SPNS2: variants seen among roughly 807,000 people sequenced by gnomAD.
SPNS2 encodes the protein SPNS lysolipid transporter 2, sphingosine-1-phosphate, also known as sphingosine-1-phosphate transporter SPNS2.
A neutral mutation model predicts 57.6 loss-of-function variants in SPNS2; 37 were observed. The observed-to-expected ratio is 0.64, with a 90% CI of 0.49 to 0.85. The LOEUF is 0.85. SPNS2 is among the 40% of genes least tolerant of loss of function. The probability of loss-of-function intolerance (pLI) is 0.00; values close to 1 mark genes in which losing one functional copy is unlikely to be tolerated. For missense variants in SPNS2, 831 were observed against 779.1 expected, an observed-to-expected ratio of 1.07 and a Z score of -0.79; for synonymous variants, 440 against 346.9, an observed-to-expected ratio of 1.27 and a Z score of -2.98.
intron 9 of SPNS2, among the ~76,000 whole-genome samples, chr17:4,534,592 G>A (rs146418487): frequency 3.2e-4 from 49 of 152,112 alleles, no homozygotes; most frequent in Non-Finnish European, 5.6e-4. Context: ...GGGACAGCCC[G>A]GGAGATGAGT....
intron 2 of SPNS2, among the ~76,000 whole-genome samples, chr17:4,523,495 C>T (rs184318937): frequency 3.4e-4 from 52 of 151,606 alleles, no homozygotes; most frequent in East Asian, 2.3e-3. Flanking sequence ...CAGCCAGGCA[C>T]GGTGGCTCAC....
rs77649916 is a variant in SPNS2, at chr17:4,538,241, C to T, written c.*793C>T. 1,658 of 198,304 alleles carry T rather than the reference C, an allele frequency of 8.4e-3. 10 individuals carry two copies. Among genetic ancestry groups the T allele is most frequent in the Admixed American group, 0.02 (372 of 18,832 alleles). The allele number at this position is 198,304 out of a possible 1,614,324, so 12.3% of individuals were successfully genotyped here. A position where few individuals can be genotyped will look rare whatever the true frequency, so the allele number is the denominator to read the frequency against. Reference sequence around the variant, plus strand: ...AACTCTGCAGGGCTTCTCTCCCTGCCACCACCCCCCAAGCCAGGACCCCAC... The same window carrying T: ...AACTCTGCAGGGCTTCTCTCCCTGCTACCACCCCCCAAGCCAGGACCCCAC... On this transcript the variant is annotated 3_prime_UTR_variant, in exon 13 of 13. Transcript: ENST00000329078.
intron 2 of SPNS2, among the ~76,000 whole-genome samples, chr17:4,519,247 T>A (rs975240868): frequency 6.6e-6 from 1 of 152,176 alleles, no homozygotes; most frequent in Non-Finnish European, 1.5e-5. Context: ...GGGCGGGGGC[T>A]CAGGGCTCCC....
intron 9 of SPNS2, among the ~76,000 whole-genome samples, chr17:4,535,195 G>A (rs1204953515): frequency 6.6e-6 from 1 of 152,110 alleles, no homozygotes; most frequent in East Asian, 1.9e-4. Flanking sequence ...GTCTGACTCT[G>A]GCCTGCCCAG....
chr17:4,535,410 T>C (rs1426243321), intron 9 of SPNS2, among the ~76,000 whole-genome samples: 5 of 152,120 alleles, frequency 3.3e-5, no homozygotes, highest in Non-Finnish European at 7.4e-5. Flanking sequence ...GGTCTTTAGC[T>C]TGATGGGAGG....
intron 2 of SPNS2, among the ~76,000 whole-genome samples, chr17:4,516,316 C>CAAAAAAAAAAAAAAAAAAAA (rs67710825): frequency 8.9e-5 from 6 of 67,496 alleles, no homozygotes; most frequent in African/African-American, 3.7e-4. Flanking sequence ...TCTATCTCCC[C>CAAAAAAAAAAAAAAAAAAAA]AAAAAAAAAA....
chr17:4,516,282 C>G (rs1416660629), intron 2 of SPNS2, among the ~76,000 whole-genome samples: 2 of 141,352 alleles, frequency 1.4e-5, no homozygotes, highest in East Asian at 4.4e-4. Flanking sequence ...CCATTGCACT[C>G]CAGCCTGGGT....
intron 2 of SPNS2, among the ~76,000 whole-genome samples, chr17:4,522,710 TTGTC>T (rs772545756): frequency 1.1e-4 from 17 of 152,312 alleles, no homozygotes; most frequent in Non-Finnish European, 1.9e-4. Flanking sequence ...CTCCCAGCCT[TTGTC>T]TGGCCATCTG....
intron 6 of SPNS2, 74 bp downstream of exon 6, chr17:4,532,758 A>G: frequency 3.2e-6 from 5 of 1,547,884 alleles, no homozygotes; most frequent in Non-Finnish European, 4.4e-6. Flanking sequence ...CCTGCAGGGC[A>G]GCCCACTAGC....
chr17:4,538,034 C>CCCAAGTCTCTGGGTACTCCCT lies in SPNS2; in HGVS notation c.*587_*607dup, dbSNP rs1905962527. The CCCAAGTCTCTGGGTACTCCCT allele has an allele frequency of 2.8e-6, 1 of 351,520 alleles. No homozygotes were observed. Among genetic ancestry groups the CCCAAGTCTCTGGGTACTCCCT allele is most frequent in the African/African-American group, 2.1e-5 (1 of 46,688 alleles). The allele number at this position is 351,520 out of a possible 1,614,324, so 21.8% of individuals were successfully genotyped here. A position where few individuals can be genotyped will look rare whatever the true frequency, so the allele number is the denominator to read the frequency against. ...GCAACCTGGCAAATGAAGCTGGGCG[C>CCCAAGTCTCTGGGTACTCCCT]CCAAGTCTCTGGGTACTCCCTGGAG... On this transcript the variant is annotated 3_prime_UTR_variant, in exon 13 of 13. Transcript: ENST00000329078.
At position 4,498,911 on chromosome 17, in the gene SPNS2, C is replaced by CCGGGGCCGGAGCGCAGGAGCCGA. The variant is rs1904354251; in HGVS notation, c.-129_-107dup. The CCGGGGCCGGAGCGCAGGAGCCGA allele has an allele frequency of 5.7e-5, 21 of 369,488 alleles. No homozygotes were observed. The South Asian group carries it at 2.1e-3, about 37-fold the overall frequency. 22.9% of individuals were successfully genotyped at this position (369,488 alleles called of 1,614,324 possible). On this transcript the variant is annotated 5_prime_UTR_variant, in exon 1 of 13. Transcript: ENST00000329078. ...GAGCTGAGCGGTGGCAGCGCCGCAG[C>CCGGGGCCGGAGCGCAGGAGCCGA]CGGGGCCGGAGCGCAGGAGCCGACG...
chr17:4,521,664 G>T (rs1232269196), intron 2 of SPNS2, among the ~76,000 whole-genome samples: 1 of 152,372 alleles, frequency 6.6e-6, no homozygotes, highest in African/African-American at 2.4e-5. Flanking sequence ...AAAACTAAAT[G>T]ATATCGGCTT....
intron 3 of SPNS2, 25 bp downstream of exon 3, chr17:4,525,218 C>G: frequency 6.2e-7 from 1 of 1,612,566 alleles, no homozygotes; most frequent in Non-Finnish European, 8.5e-7. Context: ...GGCTTCTCCC[C>G]GACCCCTGTG....
In SPNS2 at chr17:4,502,369, G is replaced by A. The variant is rs375959499; in HGVS notation, c.370+2952G>A. 6.2e-5 allele frequency among the ~76,000 whole-genome samples: 8 copies of A among 129,668 alleles called. No homozygotes were observed. The South Asian group carries it at 8.6e-4, about 14-fold the overall frequency. 85.1% of individuals were successfully genotyped at this position (129,668 alleles called of 152,430 possible). The stretch of plus-strand genomic sequence containing the variant: ...TACTCCAGCCTGGGTGACAGAGTGA[G>A]GCTCTGTCTCAAAAAAAAAAAAAAA... On this transcript the variant is annotated intron_variant, in intron 1 of 12. Coordinates refer to ENST00000329078, the MANE Select transcript of SPNS2 (RefSeq NM_001124758.3).
Position 4,533,410 on chromosome 17 carries a change from A to G in SPNS2, c.1256A>G (p.Lys419Arg). 1 of 1,607,414 alleles carries G rather than the reference A, an allele frequency of 6.2e-7. No homozygotes were observed. The highest frequency in any genetic ancestry group is 8.5e-7 in the Non-Finnish European group (1 of 1,177,344). The change falls in exon 8 of 13, where the codon AAG becomes AGG. Residue 419 changes from lysine (K) to arginine (R), a missense_variant. Lys to Arg is a conservative substitution (Grantham distance 26). Transcript: ENST00000329078. ...ATCTGCCTGATCTTCGTGGCTGCCA[A>G]GAGCAGCATCGTAGGAGCCTATGTG... The part of the protein sequence containing the change: ...IFICLIFVAA[K>R]SSIVGAYICI...
At chr17:4,513,461 C>A in intron 2 of SPNS2, 149 bp downstream of exon 2, 1 of 766,736 alleles carries the variant, frequency 1.3e-6, no homozygotes, top group Non-Finnish European at 2.1e-6. Context: ...TCACTATTGC[C>A]ACCTGCCAAT....
In SPNS2 at chr17:4,536,062, C is replaced by T. The variant is rs373646984; in HGVS notation, c.1345-14C>T. 118 of 1,606,818 alleles carry T rather than the reference C, an allele frequency of 7.3e-5. No homozygotes were observed. The highest frequency in any genetic ancestry group is 3.0e-4 in the Admixed American group (18 of 59,730). ...TTTCTCCTCTGGCCGCTGACCTGCC[C>T]GCCTGTTCCGCAGTACGTGGTCATC... On this transcript the variant is annotated splice_polypyrimidine_tract_variant and intron_variant, in intron 9 of 12. Transcript: ENST00000329078.
At position 4,511,682 on chromosome 17, in the gene SPNS2, A is replaced by G. The variant is rs1453622787; in HGVS notation, c.371-1565A>G. 6.6e-6 allele frequency among the ~76,000 whole-genome samples: 1 copy of G among 152,288 alleles called. No individual in the cohort carries two copies. The highest frequency in any genetic ancestry group is 6.5e-5 in the Admixed American group (1 of 15,304). The stretch of plus-strand genomic sequence containing the variant: ...CAGCCTCTGCCTTGGTTATTAAGTC[A>G]TTAACTGGGCCTCACACAGCCTCTT... On this transcript the variant is annotated intron_variant, in intron 1 of 12. Coordinates refer to ENST00000329078, the MANE Select transcript of SPNS2 (RefSeq NM_001124758.3). The surrounding 1 kb of genome is among the most constrained non-coding windows in gnomAD (Gnocchi z 4.6).
Position 4,512,680 on chromosome 17 carries a change from G to A in SPNS2, c.371-567G>A, listed in dbSNP as rs557939476. Among the ~76,000 whole-genome samples, 3 of 151,948 alleles carry A rather than the reference G, an allele frequency of 2.0e-5. No individual in the cohort carries two copies. The highest frequency in any genetic ancestry group is 2.0e-4 in the Admixed American group (3 of 15,270). ...CACGGGTATGTGTGTGCGCGCGTGG[G>A]TGTGTATGCATGTGTGCAGGTGTGT... On this transcript the variant is annotated intron_variant, in intron 1 of 12. Coordinates refer to ENST00000329078, the MANE Select transcript of SPNS2 (RefSeq NM_001124758.3). This position sits in a 1 kb window ranked among gnomAD's most constrained non-coding sequence, Gnocchi z 5.2.
Sources: gnomAD v4.1 joint callset for allele counts (sites outside exome capture counted in the v4.1 genomes callset) on GRCh38, gnomAD v4.1.1 for gene constraint, Gnocchi (gnomAD v3.1) non-coding constraint, MANE v1.5 for transcripts, NCBI Gene and HGNC (gene_info 2026-07-23, HGNC 2026-07-21) for gene names.